The following CAMTA1 variants were observed in gnomAD, a reference collection of about 807,000 sequenced individuals.
CAMTA1 encodes calmodulin binding transcription activator 1, also known as calmodulin-binding transcription activator 1.
In CAMTA1, 27 loss-of-function variants were observed where a neutral mutation model predicts 170.9. The observed-to-expected ratio is 0.16, with a 90% CI of 0.12 to 0.22. The LOEUF (loss-of-function observed/expected upper bound fraction) is 0.22. CAMTA1 is among the 10% of genes least tolerant of loss of function. CAMTA1 has a pLI of 1.00. For synonymous variants in CAMTA1, 833 were observed against 891.5 expected (o/e 0.93, Z 1.17); for missense variants, 1,619 against 2,217.2 (o/e 0.73, Z 5.42).
intron 4 of CAMTA1, among the ~76,000 whole-genome samples, chr1:7,237,368 G>C (rs532575570): frequency 6.6e-6 from 1 of 152,252 alleles, no homozygotes; most frequent in African/African-American, 2.4e-5. Context: ...GCAAGTCCAC[G>C]GCTCACTGGA....
intron 5 of CAMTA1, among the ~76,000 whole-genome samples, chr1:7,320,629 C>T (rs1678232235): frequency 6.6e-6 from 1 of 151,358 alleles, no homozygotes; most frequent in South Asian, 2.1e-4. Context: ...TCCACTATCC[C>T]CCTGGGCTGT....
intron 10 of CAMTA1, among the ~76,000 whole-genome samples, chr1:7,675,210 C>G (rs1455605258): frequency 6.6e-6 from 1 of 152,090 alleles, no homozygotes; most frequent in Non-Finnish European, 1.5e-5. Flanking sequence ...AGAGGTTTGG[C>G]AACGTGGAGA....
intron 4 of CAMTA1, among the ~76,000 whole-genome samples, chr1:7,166,823 TA>T (rs1648558039): frequency 2.0e-5 from 3 of 151,082 alleles, no homozygotes. Flanking sequence ...TTTTTTTTTT[TA>T]AATTGAGATG....
chr1:6,939,561 A>G (rs1308620006), intron 3 of CAMTA1, among the ~76,000 whole-genome samples: 1 of 152,190 alleles, frequency 6.6e-6, no homozygotes, highest in Admixed American at 6.5e-5. Flanking sequence ...TCCTCCTGCC[A>G]TGGCCTCCCG....
At chr1:7,429,262 T>C (rs555114642) in intron 5 of CAMTA1, among the ~76,000 whole-genome samples, 1 of 152,364 alleles carries the variant, frequency 6.6e-6, no homozygotes, top group East Asian at 1.9e-4. Context: ...TGAAATGTAA[T>C]GATTTATGTC....
At chr1:6,955,063 G>C (rs1304756411) in intron 3 of CAMTA1, among the ~76,000 whole-genome samples, 2 of 151,714 alleles carry the variant, frequency 1.3e-5, no homozygotes, top group East Asian at 1.9e-4. Context: ...TGGCAATCTG[G>C]AAATGAGTCT....
intron 3 of CAMTA1, among the ~76,000 whole-genome samples, chr1:6,991,221 G>C (rs1317423179): frequency 1.3e-5 from 2 of 152,062 alleles, no homozygotes; most frequent in Non-Finnish European, 2.9e-5. Context: ...GTCTTTTTTG[G>C]GGATGTGTGT....
At chr1:6,950,876 G>A (rs1688372064) in intron 3 of CAMTA1, among the ~76,000 whole-genome samples, 2 of 152,230 alleles carry the variant, frequency 1.3e-5, no homozygotes, top group African/African-American at 2.4e-5. Context: ...GGGGCTTCCT[G>A]TCATGGGCTG....
chr1:7,530,608 A>G (rs187229991), intron 6 of CAMTA1, among the ~76,000 whole-genome samples: 185 of 152,214 alleles, frequency 1.2e-3, no homozygotes, highest in African/African-American at 4.1e-3. Flanking sequence ...AGCTAGGTGA[A>G]AAAACCAGGA....
intron 10 of CAMTA1, among the ~76,000 whole-genome samples, chr1:7,676,436 C>G (rs2096121582): frequency 6.6e-6 from 1 of 152,210 alleles, no homozygotes; most frequent in African/African-American, 2.4e-5. Flanking sequence ...ACACATCCAC[C>G]CAGGATGGAC....
intron 3 of CAMTA1, among the ~76,000 whole-genome samples, chr1:6,852,175 G>A (rs535736210): frequency 6.6e-6 from 1 of 152,244 alleles, no homozygotes; most frequent in East Asian, 1.9e-4. Context: ...AGCCAAACTA[G>A]AATGTTATAC....
chr1:7,188,545 C>A (rs1653909394), intron 4 of CAMTA1, among the ~76,000 whole-genome samples: 1 of 152,208 alleles, frequency 6.6e-6, no homozygotes, highest in Non-Finnish European at 1.5e-5. Flanking sequence ...GGACCTCATA[C>A]AAGTACCAAT....
At chr1:7,069,420 G>A (rs1206370461) in intron 3 of CAMTA1, among the ~76,000 whole-genome samples, 1 of 152,192 alleles carries the variant, frequency 6.6e-6, no homozygotes, top group Non-Finnish European at 1.5e-5. Flanking sequence ...GGATCACAGT[G>A]ATCATATTTT....
chr1:7,022,623 C>T (rs192617243), intron 3 of CAMTA1, among the ~76,000 whole-genome samples: 2 of 152,284 alleles, frequency 1.3e-5, no homozygotes, highest in African/African-American at 4.8e-5. Context: ...TTGCCAGCGC[C>T]TCACCTCCAT....
chr1:6,860,670 G>A (rs965687815), intron 3 of CAMTA1, among the ~76,000 whole-genome samples: 1 of 152,150 alleles, frequency 6.6e-6, no homozygotes, highest in Admixed American at 6.5e-5. Context: ...AGCACTTTGG[G>A]AAGTCGAGGT....
At chr1:7,544,484 C>T (rs2094661546) in intron 6 of CAMTA1, among the ~76,000 whole-genome samples, 1 of 152,170 alleles carries the variant, frequency 6.6e-6, no homozygotes, top group African/African-American at 2.4e-5. Flanking sequence ...GGTCTTTGTG[C>T]CAGGTCTCAC....
At chr1:6,869,113 C>T (rs1229648478) in intron 3 of CAMTA1, among the ~76,000 whole-genome samples, 1 of 152,166 alleles carries the variant, frequency 6.6e-6, no homozygotes, top group African/African-American at 2.4e-5. Flanking sequence ...TCTGTTCATG[C>T]ACTGGTGTGT....
rs1402697854 is a variant in CAMTA1 at position 7,635,373 on chromosome 1, C to T, written c.511-5027C>T. Reference sequence around the variant, plus strand: ...CTGTAATCCCAGCACTTTGGAAGGCCGAGGCAGGCAGATCACGAGATCGGG... The same window carrying T: ...CTGTAATCCCAGCACTTTGGAAGGCTGAGGCAGGCAGATCACGAGATCGGG... On this transcript the variant is annotated intron_variant, in intron 6 of 22. Coordinates refer to ENST00000303635, the MANE Select transcript of CAMTA1 (RefSeq NM_015215.4). This position sits in a 1 kb window ranked among gnomAD's most constrained non-coding sequence, Gnocchi z 4.4. Among the ~76,000 whole-genome samples, 2 of 152,020 alleles carry T rather than the reference C, an allele frequency of 1.3e-5. No individual in the cohort carries two copies. The highest frequency in any genetic ancestry group is 2.9e-5 in the Non-Finnish European group (2 of 67,988).
chr1:7,006,228 C>T (rs1489906444), intron 3 of CAMTA1, among the ~76,000 whole-genome samples: 1 of 152,134 alleles, frequency 6.6e-6, no homozygotes, highest in African/African-American at 2.4e-5. Flanking sequence ...CCAACTCTAT[C>T]CTTAAAATCC....
Sources: gnomAD v4.1 joint callset for allele counts (sites outside exome capture counted in the v4.1 genomes callset) on GRCh38, gnomAD v4.1.1 for gene constraint, Gnocchi (gnomAD v3.1) non-coding constraint, MANE v1.5 for transcripts, NCBI Gene and HGNC (gene_info 2026-07-23, HGNC 2026-07-21) for gene names.